The following NRG1 variants were observed in gnomAD, a reference collection of about 807,000 sequenced individuals.
NRG1 encodes neuregulin 1, also known as pro-neuregulin-1, membrane-bound isoform.
A neutral mutation model predicts 63.8 loss-of-function variants in NRG1; 18 were observed. That is an observed-to-expected ratio of 0.28 (90% confidence interval 0.19 to 0.42). NRG1 has a LOEUF of 0.42. Among genes scored for constraint, NRG1 ranks in the 10% least tolerant of loss-of-function variants. The pLI, the probability that NRG1 is intolerant of heterozygous loss-of-function variation, is 1.00. For synonymous variants in NRG1, 302 were observed against 301.3 expected, an observed-to-expected ratio of 1.00 and a Z score of -0.02; for missense variants, 762 against 814.7, an observed-to-expected ratio of 0.94 and a Z score of 0.79.
At chr8:31,849,270 C>T (rs769326905) in intron 1 of NRG1, among the ~76,000 whole-genome samples, 1 of 152,194 alleles carries the variant, frequency 6.6e-6, no homozygotes, top group Non-Finnish European at 1.5e-5. Context: ...CTCAGTGACT[C>T]AAACCCAGGA....
intron 1 of NRG1, among the ~76,000 whole-genome samples, chr8:31,946,895 G>A (rs1802629972): frequency 6.6e-6 from 1 of 152,234 alleles, no homozygotes; most frequent in South Asian, 2.1e-4. Context: ...TGATACTAAT[G>A]TGGTTCCTCC....
intron 1 of NRG1, among the ~76,000 whole-genome samples, chr8:31,700,572 T>C (rs976290393): frequency 2.0e-5 from 3 of 152,166 alleles, no homozygotes; most frequent in African/African-American, 4.8e-5. Flanking sequence ...AATGAGAACA[T>C]AGCCTGATTT....
intron 1 of NRG1, among the ~76,000 whole-genome samples, chr8:32,366,341 C>T (rs1807974579): frequency 6.6e-6 from 1 of 152,128 alleles, no homozygotes; most frequent in Middle Eastern, 3.4e-3. Context: ...TTCTCTTCAT[C>T]TGCCCCCCAC....
intron 1 of NRG1, among the ~76,000 whole-genome samples, chr8:31,934,371 A>G (rs1315216085): frequency 6.8e-6 from 1 of 147,844 alleles, no homozygotes; most frequent in Non-Finnish European, 1.5e-5. Flanking sequence ...ATACATATAT[A>G]TATCTTTCTC....
intron 1 of NRG1, among the ~76,000 whole-genome samples, chr8:32,207,425 T>C (rs1269862395): frequency 6.6e-6 from 1 of 152,158 alleles, no homozygotes; most frequent in Non-Finnish European, 1.5e-5. Flanking sequence ...TGATATATCT[T>C]TTGTTTTTTC....
intron 1 of NRG1, among the ~76,000 whole-genome samples, chr8:31,944,017 C>G (rs1253942870): frequency 6.6e-6 from 1 of 152,188 alleles, no homozygotes; most frequent in Admixed American, 6.5e-5. Flanking sequence ...GCTCCACAGG[C>G]TTTCTGGAAC....
chr8:31,676,654 G>A (rs1807734633), intron 1 of NRG1, among the ~76,000 whole-genome samples: 1 of 152,170 alleles, frequency 6.6e-6, no homozygotes, highest in African/African-American at 2.4e-5. Context: ...TCTGGTGCAT[G>A]CGCACATGTG....
At chr8:31,951,692 G>C (rs371570317) in intron 1 of NRG1, among the ~76,000 whole-genome samples, 1 of 152,298 alleles carries the variant, frequency 6.6e-6, no homozygotes, top group African/African-American at 2.4e-5. Flanking sequence ...AAACATAGCA[G>C]AGTCTCAGAG....
chr8:31,809,741 G>GTTTTTTTTTTTTTTTTTTTTTTTTTATTT (rs753730069), intron 1 of NRG1, among the ~76,000 whole-genome samples: 7 of 68,020 alleles, frequency 1.0e-4, no homozygotes, highest in Admixed American at 1.9e-4. Flanking sequence ...TCTATTAATT[G>GTTTTTTTTTTTTTTTTTTTTTTTTTATTT]TTTTTTTTTT....
chr8:32,728,212 G>GA, intron 6 of NRG1, 134 bp downstream of exon 6: 1 of 1,482,026 alleles, frequency 6.7e-7, no homozygotes. Context: ...TATATGTAGA[G>GA]TGTTTTAAAA....
intron 5 of NRG1, among the ~76,000 whole-genome samples, chr8:32,724,223 G>A (rs1821458268): frequency 6.6e-6 from 1 of 152,182 alleles, no homozygotes; most frequent in Non-Finnish European, 1.5e-5. Flanking sequence ...TGTTCATTTT[G>A]TAGTCACTAG....
At chr8:32,658,384 C>T (rs1802026628) in intron 5 of NRG1, among the ~76,000 whole-genome samples, 1 of 152,168 alleles carries the variant, frequency 6.6e-6, no homozygotes, top group Non-Finnish European at 1.5e-5. Context: ...ATAGGATCTT[C>T]ACAATGTTGA....
chr8:32,614,666 C>A, intron 4 of NRG1, 102 bp downstream of exon 4: 2 of 1,031,334 alleles, frequency 1.9e-6, no homozygotes, highest in Non-Finnish European at 3.0e-6. Context: ...CCAGACCTCT[C>A]AGCTGCTCTT....
intron 1 of NRG1, among the ~76,000 whole-genome samples, chr8:31,978,297 T>C (rs1808520718): frequency 6.6e-6 from 1 of 152,044 alleles, no homozygotes; most frequent in Non-Finnish European, 1.5e-5. Context: ...ATATTAGAAA[T>C]GATGATATGT....
intron 1 of NRG1, among the ~76,000 whole-genome samples, chr8:32,272,938 G>C (rs1851696502): frequency 6.6e-6 from 1 of 152,162 alleles, no homozygotes; most frequent in Non-Finnish European, 1.5e-5. Context: ...CAATTGAAAA[G>C]AAGCATATTT....
chr8:31,957,790 G>A (rs2129624963), intron 1 of NRG1, among the ~76,000 whole-genome samples: 1 of 152,164 alleles, frequency 6.6e-6, no homozygotes. Context: ...TTCACTCATG[G>A]TGTTTATTCA....
At chr8:31,692,674 A>C (rs886762914) in intron 1 of NRG1, among the ~76,000 whole-genome samples, 1 of 152,210 alleles carries the variant, frequency 6.6e-6, no homozygotes, top group Non-Finnish European at 1.5e-5. Context: ...CAAGTTCTAC[A>C]AATAGGACAG....
chr8:32,503,143 TG>T (rs1563553319), intron 1 of NRG1, among the ~76,000 whole-genome samples: 1 of 138,266 alleles, frequency 7.2e-6, no homozygotes, highest in African/African-American at 2.7e-5. Context: ...AAAAATTAGC[TG>T]GGCATGGTGG....
chr8:32,725,619 G>A (rs1223186456), intron 5 of NRG1, among the ~76,000 whole-genome samples: 2 of 151,216 alleles, frequency 1.3e-5, no homozygotes, highest in Admixed American at 1.3e-4. Context: ...GGGATTACAG[G>A]GGCACGCCAC....
Sources: gnomAD v4.1 joint callset for allele counts (sites outside exome capture counted in the v4.1 genomes callset) on GRCh38, gnomAD v4.1.1 for gene constraint, MANE v1.5 for transcripts, NCBI Gene and HGNC (gene_info 2026-07-23, HGNC 2026-07-21) for gene names.